Variants in PCDHGA6 observed in about 807,000 individuals in gnomAD.
PCDHGA6 encodes protocadherin gamma subfamily A, 6.
Under a neutral mutation model 60.6 loss-of-function variants are expected in PCDHGA6, and 41 were observed. That is an observed-to-expected ratio of 0.68 (90% confidence interval 0.53 to 0.88). The LOEUF (loss-of-function observed/expected upper bound fraction) is 0.88. Among genes scored for constraint, PCDHGA6 ranks in the 40% least tolerant of loss-of-function variants. The pLI, the probability that PCDHGA6 is intolerant of heterozygous loss-of-function variation, is 0.00. For synonymous variants in PCDHGA6, 594 were observed against 524.4 expected, an observed-to-expected ratio of 1.13 and a Z score of -1.81; for missense variants, 1,312 against 1,203.0, an observed-to-expected ratio of 1.09 and a Z score of -1.34.
At chr5:141,462,152 G>C (rs1336635196) in intron 1 of PCDHGA6, among the ~76,000 whole-genome samples, 6 of 152,034 alleles carry the variant, frequency 3.9e-5, no homozygotes, top group African/African-American at 7.2e-5. Flanking sequence ...TAGAGATGGG[G>C]TTTCATCATG....
rs373728953 is a variant in PCDHGA6 at position 141,491,753 on chromosome 5, C to A, written c.2425-3054C>A. The A allele has an allele frequency of 6.3e-7, 1 of 1,585,146 alleles. No homozygotes were observed. The highest frequency in any genetic ancestry group is 8.6e-7 in the Non-Finnish European group (1 of 1,166,912). On this transcript the variant is annotated intron_variant, in intron 1 of 3. Transcript: ENST00000517434. This position sits in a 1 kb window ranked among gnomAD's most constrained non-coding sequence, Gnocchi z 6.9. The stretch of plus-strand genomic sequence containing the variant: ...ACCCCTGGGGGCGGCACTGGAGAAG[C>A]CGCCCGTCCTCATAAGGGATTGAAC...
Position 141,477,167 on chromosome 5 carries a change from G to C in PCDHGA6, c.2425-17640G>C. The C allele has an allele frequency of 6.2e-7, 1 of 1,614,166 alleles. No individual in the cohort carries two copies. Among genetic ancestry groups the C allele is most frequent in the South Asian group, 1.1e-5 (1 of 91,076 alleles). ...TGTGGATGTGAATGACAACGCCCCG[G>C]AGATCACAGTCACCTCCGTGTACAG... On this transcript the variant is annotated intron_variant, in intron 1 of 3. Coordinates refer to ENST00000517434, the MANE Select transcript of PCDHGA6 (RefSeq NM_018919.3). The surrounding 1 kb of genome is among the most constrained non-coding windows in gnomAD (Gnocchi z 4.9).
intron 1 of PCDHGA6, chr5:141,403,191 G>A (rs368387997): frequency 1.1e-5 from 18 of 1,613,876 alleles, no homozygotes; most frequent in Non-Finnish European, 1.4e-5. Context: ...CTGAACCCGC[G>A]CAGCGGCACC....
intron 1 of PCDHGA6, among the ~76,000 whole-genome samples, chr5:141,425,040 A>G (rs2096853898): frequency 6.6e-6 from 1 of 152,182 alleles, no homozygotes; most frequent in South Asian, 2.1e-4. Flanking sequence ...TTAGTTGTAA[A>G]CTGACTATCT....
At chr5:141,414,090 A>C (rs2095707874) in intron 1 of PCDHGA6, 4 of 1,598,352 alleles carry the variant, frequency 2.5e-6, no homozygotes, top group Non-Finnish European at 3.4e-6. Context: ...CTGGAGAAAT[A>C]AAAATATCAG....
intron 1 of PCDHGA6, among the ~76,000 whole-genome samples, chr5:141,429,377 G>GT (rs566693637): frequency 0.17 from 24,737 of 149,382 alleles, 2,566 homozygotes; most frequent in African/African-American, 0.31. Context: ...GAGAAAATGT[G>GT]TTTTTTTTTT....
At chr5:141,400,498 A>G (rs1181845890) in intron 1 of PCDHGA6, 2 of 1,614,034 alleles carry the variant, frequency 1.2e-6, no homozygotes, top group Non-Finnish European at 1.7e-6. Flanking sequence ...TTGTAATTCC[A>G]GCGAGTCGAC....
chr5:141,458,695 G>T (rs551105765), intron 1 of PCDHGA6, among the ~76,000 whole-genome samples: 2 of 151,734 alleles, frequency 1.3e-5, no homozygotes, highest in Non-Finnish European at 2.9e-5. Context: ...TCAGCCTCCC[G>T]AGTAGCTGGG....
chr5:141,432,173 GTC>G lies in PCDHGA6; in HGVS notation c.2424+55670_2424+55671del. 6.2e-7 allele frequency: 1 copy of G among 1,614,054 alleles called. No individual in the cohort carries two copies. Among genetic ancestry groups the G allele is most frequent in the Non-Finnish European group, 8.5e-7 (1 of 1,180,018 alleles). Reference sequence around the variant, plus strand: ...GAACAATCCCAGAGGAGTTTCCCTCGTCTCTGTGACCGCCCACGACCCCGACT... The same window carrying G: ...GAACAATCCCAGAGGAGTTTCCCTCGTCTGTGACCGCCCACGACCCCGACT... On this transcript the variant is annotated intron_variant, in intron 1 of 3. Coordinates refer to ENST00000517434, the MANE Select transcript of PCDHGA6 (RefSeq NM_018919.3). This position sits in a 1 kb window ranked among gnomAD's most constrained non-coding sequence, Gnocchi z 6.0.
intron 1 of PCDHGA6, chr5:141,409,395 C>T: frequency 6.2e-7 from 1 of 1,614,030 alleles, no homozygotes; most frequent in South Asian, 1.1e-5. Flanking sequence ...TATTCTTCTT[C>T]CAATAACTAC....
intron 1 of PCDHGA6, chr5:141,410,448 C>T: frequency 6.2e-7 from 1 of 1,614,006 alleles, no homozygotes; most frequent in Non-Finnish European, 8.5e-7. Context: ...GGGACTTTGC[C>T]TTATTCTTAT....
intron 1 of PCDHGA6, among the ~76,000 whole-genome samples, chr5:141,482,329 T>A (rs1334833454): frequency 6.6e-6 from 1 of 152,160 alleles, no homozygotes; most frequent in Non-Finnish European, 1.5e-5. Context: ...ATAAAGAGAA[T>A]ATCTACTTTG....
intron 1 of PCDHGA6, chr5:141,391,782 T>C (rs2092421963): frequency 6.6e-6 from 1 of 152,222 alleles, no homozygotes; most frequent in African/African-American, 2.4e-5. Flanking sequence ...GTCATTACTT[T>C]TTGCAGTTTT....
chr5:141,384,995 C>T (rs1485778293), intron 1 of PCDHGA6: 2 of 1,614,034 alleles, frequency 1.2e-6, no homozygotes, highest in African/African-American at 1.3e-5. Context: ...GCGGTGGCCA[C>T]AGTCTCCTGC....
intron 1 of PCDHGA6, chr5:141,440,130 A>G (rs1222064545): frequency 6.6e-6 from 1 of 152,282 alleles, no homozygotes; most frequent in African/African-American, 2.4e-5. Context: ...TGAATGGATC[A>G]GGAGCAGATA....
chr5:141,462,959 G>A lies in PCDHGA6; in HGVS notation c.2425-31848G>A, dbSNP rs188938907. 5.1e-3 allele frequency among the ~76,000 whole-genome samples: 776 copies of A among 152,188 alleles called. 5 individuals are homozygous for A. Among genetic ancestry groups the A allele is most frequent in the Non-Finnish European group, 8.2e-3 (557 of 67,994 alleles). On this transcript the variant is annotated intron_variant, in intron 1 of 3. Transcript: ENST00000517434. ...AAGGCTTGTTTTTAAGCTTTGTTAGGACAGGTCTGTAGTAACTTTTGCCTT... is the reference window on the plus strand; with the variant it reads ...AAGGCTTGTTTTTAAGCTTTGTTAGAACAGGTCTGTAGTAACTTTTGCCTT...
At chr5:141,408,769 C>T in intron 1 of PCDHGA6, 1 of 1,611,166 alleles carries the variant, frequency 6.2e-7, no homozygotes, top group Non-Finnish European at 8.5e-7. Context: ...CCGATGGTGG[C>T]AAATACCCAG....
intron 1 of PCDHGA6, chr5:141,394,707 C>T (rs1325466311): frequency 1.2e-6 from 2 of 1,613,272 alleles, no homozygotes; most frequent in Non-Finnish European, 1.7e-6. Context: ...GGCGCGAGCC[C>T]TGCTGGACAG....
At position 141,375,820 on chromosome 5, in the gene PCDHGA6, C is replaced by T. The variant is rs62378422; in HGVS notation, c.1737C>T (p.Pro579=). ...TDGSTGVELA[P]RSAEPGYLVT... ...GTTCCACTGGCGTGGAGCTGGCGCC[C>T]CGCTCCGCAGAGCCCGGCTACCTGG... Residue 579 remains proline (P), a synonymous_variant, in exon 1 of 4, where the codon CCC becomes CCT. Coordinates refer to ENST00000517434, the MANE Select transcript of PCDHGA6 (RefSeq NM_018919.3). 145,173 of 1,614,058 alleles carry T rather than the reference C, an allele frequency of 0.09. 7,179 individuals carry two copies. The highest frequency in any genetic ancestry group is 0.18 in the African/African-American group (13,554 of 75,026).
Sources: gnomAD v4.1 joint callset for allele counts (sites outside exome capture counted in the v4.1 genomes callset) on GRCh38, gnomAD v4.1.1 for gene constraint, Gnocchi (gnomAD v3.1) non-coding constraint, MANE v1.5 for transcripts, NCBI Gene and HGNC (gene_info 2026-07-23, HGNC 2026-07-21) for gene names.